UBE2G1: variants seen among roughly 807,000 people sequenced by gnomAD.
The protein encoded by UBE2G1 is ubiquitin conjugating enzyme E2 G1.
UBE2G1 carries 5 observed loss-of-function variants against 22.7 expected under a neutral mutation model. The ratio of observed to expected loss-of-function variants is 0.22; its 90% CI spans 0.12 to 0.46. The LOEUF is 0.46. UBE2G1 is among the 20% of genes least tolerant of loss of function. UBE2G1 has a pLI of 0.99. For missense variants in UBE2G1, 88 were observed against 203.9 expected (o/e 0.43, Z 3.46); for synonymous variants, 74 against 67.5 (o/e 1.10, Z -0.47).
chr17:4,284,792 C>A (rs1018411725), intron 4 of UBE2G1, among the ~76,000 whole-genome samples: 9 of 143,534 alleles, frequency 6.3e-5, no homozygotes, highest in Non-Finnish European at 1.1e-4. Flanking sequence ...TTTTTTCCCC[C>A]CGAGACTGTC....
Position 4,272,284 on chromosome 17 carries a change from T to C in UBE2G1, c.*270A>G, listed in dbSNP as rs573080342. On this transcript the variant is annotated 3_prime_UTR_variant, in exon 6 of 6. Coordinates refer to ENST00000396981, the MANE Select transcript of UBE2G1 (RefSeq NM_003342.5). ...CAGTATATATATTATCCGGATCATG[T>C]TGTGCTATGTACAGGTCTTTACAAT... is the stretch of plus-strand genomic sequence containing the variant. 3 of 155,108 alleles carry C rather than the reference T, an allele frequency of 1.9e-5. No homozygotes were observed. Among genetic ancestry groups the C allele is most frequent in the South Asian group, 1.8e-4 (1 of 5,462 alleles). 9.6% of individuals were successfully genotyped at this position (155,108 alleles called of 1,614,324 possible). A position where few individuals can be genotyped will look rare whatever the true frequency, so the allele number is the denominator to read the frequency against.
At chr17:4,299,577 TG>T (rs1426279550) in intron 2 of UBE2G1, among the ~76,000 whole-genome samples, 1 of 152,220 alleles carries the variant, frequency 6.6e-6, no homozygotes, top group Non-Finnish European at 1.5e-5. Flanking sequence ...AATAGCTGAC[TG>T]GAATCCTCAT....
chr17:4,341,039 C>A (rs1279373068), intron 1 of UBE2G1, among the ~76,000 whole-genome samples: 6 of 130,986 alleles, frequency 4.6e-5, no homozygotes, highest in Admixed American at 3.3e-4. Context: ...CTTTGGTGCC[C>A]AGTGTCTTTA....
intron 1 of UBE2G1, among the ~76,000 whole-genome samples, chr17:4,308,270 T>C (rs1256775718): frequency 6.6e-6 from 1 of 152,174 alleles, no homozygotes; most frequent in East Asian, 1.9e-4. Context: ...GAAAAACTGA[T>C]TGAACCCAGG....
intron 1 of UBE2G1, among the ~76,000 whole-genome samples, chr17:4,365,187 G>C (rs1970017910): frequency 6.6e-6 from 1 of 152,236 alleles, no homozygotes; most frequent in Non-Finnish European, 1.5e-5. Flanking sequence ...GTTTTAGAGT[G>C]GGTAGGGGGA....
In UBE2G1 at chr17:4,333,648, C is replaced by T. The variant is rs142338282; in HGVS notation, c.47-26525G>A. On this transcript the variant is annotated intron_variant, in intron 1 of 5. Coordinates refer to ENST00000396981, the MANE Select transcript of UBE2G1 (RefSeq NM_003342.5). ...CATCCTGTCTAACACAGTGAAACCC[C>T]GTCTCTACTAAAAATACAAAAAATT... 5.9e-5 allele frequency among the ~76,000 whole-genome samples: 9 copies of T among 151,906 alleles called. 1 individual carries two copies. The South Asian group carries it at 1.0e-3, about 18-fold the overall frequency.
intron 1 of UBE2G1, chr17:4,345,723 C>G (rs911101067): frequency 9.9e-5 from 15 of 152,158 alleles, no homozygotes; most frequent in African/African-American, 3.6e-4. Context: ...GTTTACTCTT[C>G]TAATAGTCAC....
chr17:4,307,922 G>A (rs868531685), intron 1 of UBE2G1, among the ~76,000 whole-genome samples: 1 of 152,118 alleles, frequency 6.6e-6, no homozygotes, highest in African/African-American at 2.4e-5. Flanking sequence ...GGTGAGCAGC[G>A]GTACAGAGCC....
intron 5 of UBE2G1, among the ~76,000 whole-genome samples, chr17:4,277,216 CCTGGAACCAGATGCACCCCAGTTGAGT>C (rs2143672009): frequency 1.3e-5 from 2 of 152,318 alleles, no homozygotes; most frequent in South Asian, 4.1e-4. Context: ...CTCAGTCGTG[CCTGGAACCAGATGCACCCCAGTTGAGT>C]CAACACCTTG....
At chr17:4,335,667 G>A (rs1969637641) in intron 1 of UBE2G1, among the ~76,000 whole-genome samples, 2 of 152,008 alleles carry the variant, frequency 1.3e-5, no homozygotes, top group Admixed American at 1.3e-4. Flanking sequence ...TCTGAAATCA[G>A]CATGCATATT....
rs908521567 is a variant in UBE2G1, at chr17:4,327,787, G to A, written c.47-20664C>T. On this transcript the variant is annotated intron_variant, in intron 1 of 5. Transcript: ENST00000396981. ...TACTCTGAATCACCCTCAAGCCTTC[G>A]ACGTGGCCCACACCCAAAGACAGCA... Among the ~76,000 whole-genome samples, 4 of 152,056 alleles carry A rather than the reference G, an allele frequency of 2.6e-5. No homozygotes were observed. In the South Asian group the frequency reaches 6.2e-4, roughly 24 times the overall value.
chr17:4,361,089 G>A (rs1326248881), intron 1 of UBE2G1, among the ~76,000 whole-genome samples: 2 of 151,884 alleles, frequency 1.3e-5, no homozygotes, highest in African/African-American at 2.4e-5. Flanking sequence ...TGGGCGTGGT[G>A]GTGGACACCT....
At chr17:4,325,877 C>A (rs1046967322) in intron 1 of UBE2G1, among the ~76,000 whole-genome samples, 3 of 152,114 alleles carry the variant, frequency 2.0e-5, no homozygotes, top group Admixed American at 1.3e-4. Flanking sequence ...GAAAGAAAAT[C>A]TTTCAATAAA....
chr17:4,333,433 T>G (rs1391068903), intron 1 of UBE2G1, among the ~76,000 whole-genome samples: 2 of 152,108 alleles, frequency 1.3e-5, no homozygotes, highest in East Asian at 3.9e-4. Context: ...TCCCAGCACT[T>G]GGGAGGTCGA....
chr17:4,365,587 C>A (rs1202100025), intron 1 of UBE2G1, among the ~76,000 whole-genome samples: 1 of 151,986 alleles, frequency 6.6e-6, no homozygotes, highest in East Asian at 1.9e-4. Context: ...GGCCAGCGAG[C>A]GGCTCTCCCC....
At chr17:4,353,617 A>C (rs1321225764) in intron 1 of UBE2G1, among the ~76,000 whole-genome samples, 1 of 150,412 alleles carries the variant, frequency 6.6e-6, no homozygotes, top group Non-Finnish European at 1.5e-5. Context: ...GGTTCAAGCG[A>C]TTCTCTTGCC....
At chr17:4,352,938 G>A (rs1969860706) in intron 1 of UBE2G1, among the ~76,000 whole-genome samples, 1 of 152,142 alleles carries the variant, frequency 6.6e-6, no homozygotes, top group Non-Finnish European at 1.5e-5. Flanking sequence ...GCCGGGTGTG[G>A]CCGGGTACAC....
chr17:4,321,694 C>T (rs1338836868), intron 1 of UBE2G1, among the ~76,000 whole-genome samples: 1 of 151,988 alleles, frequency 6.6e-6, no homozygotes, highest in Non-Finnish European at 1.5e-5. Flanking sequence ...GGTCTTCCTA[C>T]GTTGCCCAGA....
chr17:4,346,431 CT>C (rs67852481), intron 1 of UBE2G1, among the ~76,000 whole-genome samples: 40,419 of 118,670 alleles, frequency 0.34, 5,633 homozygotes, highest in African/African-American at 0.49. Flanking sequence ...TTTTCTTCTT[CT>C]TTTTTTTTTT....
Sources: gnomAD v4.1 joint callset for allele counts (sites outside exome capture counted in the v4.1 genomes callset) on GRCh38, gnomAD v4.1.1 for gene constraint, MANE v1.5 for transcripts, NCBI Gene and HGNC (gene_info 2026-07-23, HGNC 2026-07-21) for gene names.